Variants in LNX1 observed in about 807,000 individuals in gnomAD.
LNX1 encodes the protein E3 ubiquitin-protein ligase LNX.
Under a neutral mutation model 68.4 loss-of-function variants are expected in LNX1, and 54 were observed. The ratio of observed to expected loss-of-function variants is 0.79; its 90% CI spans 0.63 to 0.99. LNX1 has a LOEUF of 0.99. Among genes scored for constraint, LNX1 ranks in the 50% least tolerant of loss-of-function variants. The pLI, the probability that LNX1 is intolerant of heterozygous loss-of-function variation, is 0.00. For missense variants in LNX1, 906 were observed against 926.4 expected (o/e 0.98, Z 0.29); for synonymous variants, 336 against 350.0 (o/e 0.96, Z 0.45).
intron 2 of LNX1, among the ~76,000 whole-genome samples, chr4:53,546,392 T>C (rs1729121385): frequency 6.6e-6 from 1 of 152,226 alleles, no homozygotes; most frequent in Non-Finnish European, 1.5e-5. Context: ...GCAGGGTCAC[T>C]TGCCACACTG....
At chr4:53,620,469 G>A (rs1733827416), upstream of LNX1, among the ~76,000 whole-genome samples, 1 of 152,162 alleles carries the variant, frequency 6.6e-6, no homozygotes, top group Non-Finnish European at 1.5e-5. Context: ...AACATATAAT[G>A]TGACCAAAGT....
intron 9 of LNX1, among the ~76,000 whole-genome samples, chr4:53,469,527 C>T (rs1722983969): frequency 6.6e-6 from 1 of 152,090 alleles, no homozygotes. Context: ...ACAAAAAACC[C>T]TTCAAAAAAT....
At chr4:53,575,970 G>T (rs1731463309) in intron 1 of LNX1, 1 of 1,562,452 alleles carries the variant, frequency 6.4e-7, no homozygotes, top group South Asian at 1.2e-5. Context: ...GTGCCCTACT[G>T]GCAGGCATGC....
chr4:53,530,660 T>G (rs538953886), intron 2 of LNX1, among the ~76,000 whole-genome samples: 1 of 152,344 alleles, frequency 6.6e-6, no homozygotes, highest in Admixed American at 6.5e-5. Context: ...AAAAGTAGTA[T>G]TATTTAGGAT....
At chr4:53,599,713 A>C (rs1732910082) in intron 2 of LNX1, among the ~76,000 whole-genome samples, 1 of 152,178 alleles carries the variant, frequency 6.6e-6, no homozygotes, top group African/African-American at 2.4e-5. Context: ...CTTGGCTCTT[A>C]TCCATGAAGG....
At chr4:53,547,034 T>G (rs1040256996) in intron 2 of LNX1, among the ~76,000 whole-genome samples, 2 of 152,240 alleles carry the variant, frequency 1.3e-5, no homozygotes, top group African/African-American at 4.8e-5. Flanking sequence ...ACTGTATGGT[T>G]ACAGCAACTC....
chr4:53,476,679 A>T, intron 9 of LNX1, 74 bp downstream of exon 9: 1 of 1,243,566 alleles, frequency 8.0e-7, no homozygotes, highest in Non-Finnish European at 1.2e-6. Flanking sequence ...TCAGCCCTAG[A>T]GAGTGAAAGA....
intron 2 of LNX1, among the ~76,000 whole-genome samples, chr4:53,606,206 AG>A (rs78679231): frequency 0.13 from 19,735 of 152,144 alleles, 1,417 homozygotes; most frequent in East Asian, 0.28. Context: ...AAAGAAAAAA[AG>A]GGAGAAGTTC....
chr4:53,584,551 G>T (rs1174541836), intron 1 of LNX1, among the ~76,000 whole-genome samples: 2 of 152,162 alleles, frequency 1.3e-5, no homozygotes, highest in Admixed American at 1.3e-4. Context: ...CCTTGGGAAG[G>T]ATCACGAATG....
chr4:53,646,285 A>G (rs541951889), intron 1 of LNX1, among the ~76,000 whole-genome samples: 1 of 152,268 alleles, frequency 6.6e-6, no homozygotes, highest in East Asian at 1.9e-4. Flanking sequence ...GAGTGGAGTA[A>G]TAGGGCATGG....
chr4:53,504,005 C>A (rs910118348), intron 4 of LNX1, among the ~76,000 whole-genome samples: 3 of 152,156 alleles, frequency 2.0e-5, no homozygotes, highest in Admixed American at 1.3e-4. Context: ...CATAGTGGTG[C>A]ACGCCTGTAA....
In LNX1 at chr4:53,460,699, C is replaced by T. The variant is rs1418690531; in HGVS notation, c.*208G>A. The T allele has an allele frequency of 7.9e-6, 4 of 503,468 alleles. No homozygotes were observed. Among genetic ancestry groups the T allele is most frequent in the African/African-American group, 2.0e-5 (1 of 49,360 alleles). 31.2% of individuals were successfully genotyped at this position (503,468 alleles called of 1,614,324 possible). A position where few individuals can be genotyped will look rare whatever the true frequency, so the allele number is the denominator to read the frequency against. On this transcript the variant is annotated 3_prime_UTR_variant, in exon 11 of 11. Coordinates refer to ENST00000263925, the MANE Select transcript of LNX1 (RefSeq NM_001126328.3). ...CAATGTTGTAGAGTAATGAGAAATC[C>T]TCCACACTGAAAAAAAACTAGTAGT... is the stretch of plus-strand genomic sequence containing the variant.
chr4:53,551,409 A>G lies in LNX1; in HGVS notation c.380+22214T>C, dbSNP rs182020345. On this transcript the variant is annotated intron_variant, in intron 2 of 10. Coordinates refer to ENST00000263925, the MANE Select transcript of LNX1 (RefSeq NM_001126328.3). ...AAATAGAAAACACCTGAAACTGGTG[A>G]TCAGCTTCCTAGTAAGATCTCAGGA... 2.4e-4 allele frequency among the ~76,000 whole-genome samples: 36 copies of G among 152,300 alleles called. No individual in the cohort carries two copies. In the East Asian group the frequency reaches 7.0e-3, roughly 29 times the overall value.
intron 1 of LNX1, among the ~76,000 whole-genome samples, chr4:53,624,132 T>A (rs1225108039): frequency 1.3e-5 from 2 of 152,186 alleles, no homozygotes; most frequent in African/African-American, 4.8e-5. Flanking sequence ...ACTCATCACC[T>A]ACATGCATAG....
intron 6 of LNX1, among the ~76,000 whole-genome samples, chr4:53,488,823 T>C (rs999563032): frequency 1.3e-5 from 2 of 152,070 alleles, no homozygotes; most frequent in African/African-American, 4.8e-5. Context: ...CCGAATGATA[T>C]GCTAGAAAAA....
chr4:53,579,832 G>T (rs562777118), intron 1 of LNX1, among the ~76,000 whole-genome samples: 20 of 152,256 alleles, frequency 1.3e-4, no homozygotes, highest in African/African-American at 4.8e-4. Context: ...CCACTAGAAG[G>T]ACAATTGGAT....
At chr4:53,643,779 A>G (rs1194602841) in intron 1 of LNX1, among the ~76,000 whole-genome samples, 1 of 152,200 alleles carries the variant, frequency 6.6e-6, no homozygotes, top group Non-Finnish European at 1.5e-5. Flanking sequence ...TGAAACATGG[A>G]AATAACAATA....
At chr4:53,461,375 G>A in intron 10 of LNX1, 60 bp downstream of exon 10, 1 of 1,365,260 alleles carries the variant, frequency 7.3e-7, no homozygotes, top group South Asian at 1.3e-5. Flanking sequence ...ATGGGGCCAA[G>A]CTTTGGCATT....
intron 2 of LNX1, among the ~76,000 whole-genome samples, chr4:53,541,570 T>C (rs1264722266): frequency 6.6e-6 from 1 of 152,184 alleles, no homozygotes; most frequent in African/African-American, 2.4e-5. Context: ...ATCTATTCAG[T>C]TGTGTGTCAA....
Sources: gnomAD v4.1 joint callset for allele counts (sites outside exome capture counted in the v4.1 genomes callset) on GRCh38, gnomAD v4.1.1 for gene constraint, MANE v1.5 for transcripts, NCBI Gene and HGNC (gene_info 2026-07-23, HGNC 2026-07-21) for gene names.